Variants in C1orf159 observed in about 807,000 individuals in gnomAD.
The protein encoded by C1orf159 is chromosome 1 open reading frame 159, also known as uncharacterized protein C1orf159.
Under a neutral mutation model 25.6 loss-of-function variants are expected in C1orf159, and 19 were observed. The ratio of observed to expected loss-of-function variants is 0.74; its 90% CI spans 0.52 to 1.09. The LOEUF (loss-of-function observed/expected upper bound fraction) is 1.09, where lower values mean the gene tolerates loss of function less well. Among genes scored for constraint, C1orf159 ranks in the 50% least tolerant of loss-of-function variants. C1orf159 has a pLI of 0.00. For missense variants in C1orf159, 274 were observed against 290.6 expected (o/e 0.94, Z 0.42); for synonymous variants, 139 against 124.7 (o/e 1.12, Z -0.77).
At position 1,110,526 on chromosome 1, in the gene C1orf159, T is replaced by C. The variant is rs796942560; in HGVS notation, c.-136+5534A>G. ...GAAAACGTGTGCGAATGGCAACAGA[T>C]GAGTGGACAGTGCTCAACACGGGTG... On this transcript the variant is annotated intron_variant, in intron 1 of 9. Coordinates refer to ENST00000421241, the MANE Select transcript of C1orf159 (RefSeq NM_017891.5). The surrounding 1 kb of genome is among the most constrained non-coding windows in gnomAD (Gnocchi z 4.8). Among the ~76,000 whole-genome samples, 194 of 151,334 alleles carry C rather than the reference T, an allele frequency of 1.3e-3. No individual in the cohort carries two copies. Among genetic ancestry groups the C allele is most frequent in the African/African-American group, 4.5e-3 (182 of 40,724 alleles).
In C1orf159 at chr1:1,087,886, CTG is replaced by C. The variant is rs1272639813; in HGVS notation, c.149-291_149-290del. Among the ~76,000 whole-genome samples the C allele has an allele frequency of 5.1e-4, 77 of 150,898 alleles. No individual in the cohort carries two copies. Among genetic ancestry groups the C allele is most frequent in the Admixed American group, 4.2e-3 (64 of 15,182 alleles). On this transcript the variant is annotated intron_variant, in intron 4 of 9. Transcript: ENST00000421241. This position sits in a 1 kb window ranked among gnomAD's most constrained non-coding sequence, Gnocchi z 8.3. ...GCACCCCGGCCCCGAGTACTCCACGCTGCACTCTCCACGCCGAGCACCCCAGC... is the reference window on the plus strand; with the variant it reads ...GCACCCCGGCCCCGAGTACTCCACGCCACTCTCCACGCCGAGCACCCCAGC...
chr1:1,109,333 TAG>T (rs1646226243), intron 1 of C1orf159, among the ~76,000 whole-genome samples: 2 of 152,188 alleles, frequency 1.3e-5, no homozygotes, highest in South Asian at 4.1e-4. Context: ...GTCGAATTCA[TAG>T]AGACAGAAAA....
chr1:1,090,955 T>C (rs1399105156), intron 3 of C1orf159: 2 of 1,550,344 alleles, frequency 1.3e-6, no homozygotes, highest in Non-Finnish European at 1.7e-6. Context: ...AGCTTGTGTG[T>C]TGATCACAGC....
intron 1 of C1orf159, among the ~76,000 whole-genome samples, chr1:1,094,197 AC>A (rs1262051723): frequency 6.6e-6 from 1 of 151,308 alleles, no homozygotes; most frequent in East Asian, 1.9e-4. Flanking sequence ...TCCAGGGCTT[AC>A]GCGATACTCC....
At chr1:1,109,840 G>A (rs551676495) in intron 1 of C1orf159, among the ~76,000 whole-genome samples, 23 of 152,264 alleles carry the variant, frequency 1.5e-4, no homozygotes, top group Non-Finnish European at 2.6e-4. Flanking sequence ...GGTGAGGCGC[G>A]GCCCGGGAGT....
At chr1:1,112,016 C>T (rs913447010) in intron 1 of C1orf159, among the ~76,000 whole-genome samples, 2 of 152,230 alleles carry the variant, frequency 1.3e-5, no homozygotes, top group Middle Eastern at 3.2e-3. Flanking sequence ...TACCCGTGGG[C>T]TCAGCACACC....
At position 1,082,795 on chromosome 1, in the gene C1orf159, G is replaced by A. The variant is rs1470331606; in HGVS notation, c.*98C>T. Reference sequence around the variant, plus strand: ...CCGAGGCTGTGCCCAGGACTGTCCCGGGCGCCGGGCGATGCCAACACTTTG... The same window carrying A: ...CCGAGGCTGTGCCCAGGACTGTCCCAGGCGCCGGGCGATGCCAACACTTTG... On this transcript the variant is annotated 3_prime_UTR_variant, in exon 10 of 10. Coordinates refer to ENST00000421241, the MANE Select transcript of C1orf159 (RefSeq NM_017891.5). The A allele has an allele frequency of 1.4e-5, 16 of 1,130,950 alleles. No homozygotes were observed. Among genetic ancestry groups the A allele is most frequent in the East Asian group, 5.1e-5 (2 of 38,870 alleles). The allele number at this position is 1,130,950 out of a possible 1,614,324, so 70.1% of individuals were successfully genotyped here.
At chr1:1,083,349 G>T in intron 9 of C1orf159, 1 of 239,800 alleles carries the variant, frequency 4.2e-6, no homozygotes, top group Non-Finnish European at 8.1e-6. Context: ...ACCTTATTTA[G>T]AAGAAGGGGC....
intron 1 of C1orf159, among the ~76,000 whole-genome samples, chr1:1,103,109 C>T (rs1462613944): frequency 6.6e-6 from 1 of 152,200 alleles, no homozygotes; most frequent in East Asian, 1.9e-4. Context: ...TCCCAAAGTG[C>T]TGGGATTACA....
At chr1:1,106,690 C>G (rs76126593) in intron 1 of C1orf159, 2,130 of 152,802 alleles carry the variant, frequency 0.014, 33 homozygotes, top group Non-Finnish European at 0.024. Context: ...GCTGGCCACA[C>G]TTGAGGAGCC....
At chr1:1,088,470 C>T (rs990627188) in intron 4 of C1orf159, among the ~76,000 whole-genome samples, 26 of 149,050 alleles carry the variant, frequency 1.7e-4, no homozygotes, top group Non-Finnish European at 3.3e-4. Flanking sequence ...TGATCCCGAC[C>T]CTTGGTCCAT....
rs759835194 is a variant in C1orf159, at chr1:1,085,996, G to C, written c.327C>G (p.Ala109=). 5.6e-6 allele frequency: 9 copies of C among 1,612,962 alleles called. No individual in the cohort carries two copies. Among genetic ancestry groups the C allele is most frequent in the Non-Finnish European group, 7.6e-6 (9 of 1,179,802 alleles). Reference sequence around the variant, plus strand: ...AGAACGTGCCCAGGAAGAGGGAGGCGGCCACGCGCGGAGCCCCTGCAAACA... The same window carrying C: ...AGAACGTGCCCAGGAAGAGGGAGGCCGCCACGCGCGGAGCCCCTGCAAACA... The part of the protein sequence containing the change: ...GRPHPGAPRV[A]ASLFLGTFFI... The change falls in exon 7 of 10, where the codon GCC becomes GCG. Residue 109 remains alanine (A), a synonymous_variant. Transcript: ENST00000421241.
In C1orf159 at chr1:1,086,892, G is replaced by A. The variant is rs371302723; in HGVS notation, c.310+247C>T. 1.9e-3 allele frequency among the ~76,000 whole-genome samples: 291 copies of A among 152,270 alleles called. 1 individual carries two copies. The highest frequency in any genetic ancestry group is 3.0e-3 in the Non-Finnish European group (202 of 68,004). On this transcript the variant is annotated intron_variant, in intron 6 of 9. Transcript: ENST00000421241. ...GAGCTGTGTGACCCTGAGAGAGTGCGGTGTGGCCATCAGGGCCTCCCCTAA... is the reference window on the plus strand; with the variant it reads ...GAGCTGTGTGACCCTGAGAGAGTGCAGTGTGGCCATCAGGGCCTCCCCTAA...
intron 9 of C1orf159, 29 bp downstream of exon 9, chr1:1,084,324 C>A: frequency 6.5e-7 from 1 of 1,534,056 alleles, no homozygotes; most frequent in Non-Finnish European, 8.8e-7. Flanking sequence ...ATGGGAAACC[C>A]CACAGGGGGA....
At chr1:1,107,627 T>C (rs189095290) in intron 1 of C1orf159, among the ~76,000 whole-genome samples, 2 of 152,048 alleles carry the variant, frequency 1.3e-5, no homozygotes, top group African/African-American at 4.8e-5. Flanking sequence ...ACCAATCAGC[T>C]CTCTATAAAA....
chr1:1,083,976 C>T, intron 9 of C1orf159: 1 of 1,604,868 alleles, frequency 6.2e-7, no homozygotes, highest in Non-Finnish European at 8.5e-7. Flanking sequence ...TCAGGAGGGC[C>T]TGGCGGAGGC....
chr1:1,088,341 C>T (rs1247052361), intron 4 of C1orf159, among the ~76,000 whole-genome samples: 4 of 84,444 alleles, frequency 4.7e-5, no homozygotes, highest in Admixed American at 3.3e-4. Flanking sequence ...GGACCCCCCA[C>T]GCCTCCCCCA....
At position 1,087,939 on chromosome 1, in the gene C1orf159, C is replaced by T. The variant is rs1255205265; in HGVS notation, c.149-342G>A. ...CCCGAGTACTCCACGCTGCACTCCA[C>T]GCCGAGCACCCCGGCCCTGAGCACC... On this transcript the variant is annotated intron_variant, in intron 4 of 9. Coordinates refer to ENST00000421241, the MANE Select transcript of C1orf159 (RefSeq NM_017891.5). The surrounding 1 kb of genome is among the most constrained non-coding windows in gnomAD (Gnocchi z 8.3). Among the ~76,000 whole-genome samples, 2 of 151,074 alleles carry T rather than the reference C, an allele frequency of 1.3e-5. No homozygotes were observed. The highest frequency in any genetic ancestry group is 1.5e-5 in the Non-Finnish European group (1 of 67,708).
At chr1:1,101,104 TCATGTA>T (rs2100764054) in intron 1 of C1orf159, among the ~76,000 whole-genome samples, 1 of 152,378 alleles carries the variant, frequency 6.6e-6, no homozygotes, top group African/African-American at 2.4e-5. Context: ...GAAAATATTT[TCATGTA>T]ATGTTTATTC....
Sources: allele counts gnomAD v4.1 joint callset (sites outside exome capture counted in the v4.1 genomes callset), GRCh38; gene constraint gnomAD v4.1.1; non-coding constraint Gnocchi (gnomAD v3.1); transcripts MANE v1.5; gene names NCBI Gene and HGNC (gene_info 2026-07-23, HGNC 2026-07-21).